MTBP: variants seen among roughly 807,000 people sequenced by gnomAD.
The protein encoded by MTBP is mdm2-binding protein.
A neutral mutation model predicts 117.0 loss-of-function variants in MTBP; 101 were observed. That is an observed-to-expected ratio of 0.86 (90% CI 0.73 to 1.02). MTBP has a LOEUF of 1.02. Among genes scored for constraint, MTBP ranks in the 50% least tolerant of loss-of-function variants. The pLI is 0.00. For synonymous variants in MTBP, 350 were observed against 351.5 expected, an observed-to-expected ratio of 1.00 and a Z score of 0.05; for missense variants, 970 against 1,030.9, an observed-to-expected ratio of 0.94 and a Z score of 0.81.
intron 15 of MTBP, among the ~76,000 whole-genome samples, chr8:120,504,556 T>G (rs553749710): frequency 3.2e-4 from 48 of 152,246 alleles, no homozygotes; most frequent in African/African-American, 1.1e-3. Context: ...AAGTATTTTA[T>G]TTTGTCTCTA....
At chr8:120,485,033 G>T (rs1324878865) in intron 11 of MTBP, among the ~76,000 whole-genome samples, 2 of 112,764 alleles carry the variant, frequency 1.8e-5, no homozygotes, top group African/African-American at 5.0e-5. Context: ...TCATCACTTA[G>T]ATATACCACA....
At chr8:120,460,601 G>T (rs139495454) in intron 8 of MTBP, among the ~76,000 whole-genome samples, 1 of 152,174 alleles carries the variant, frequency 6.6e-6, no homozygotes, top group East Asian at 1.9e-4. Context: ...AAGAAATACA[G>T]TACCGAAATT....
intron 2 of MTBP, among the ~76,000 whole-genome samples, chr8:120,449,601 A>G (rs1475465832): frequency 6.6e-6 from 1 of 152,284 alleles, no homozygotes; most frequent in East Asian, 1.9e-4. Context: ...TGAAGGCATG[A>G]GAAAGGATGG....
At chr8:120,448,020 C>T (rs575668678) in intron 2 of MTBP, among the ~76,000 whole-genome samples, 6 of 152,010 alleles carry the variant, frequency 3.9e-5, no homozygotes, top group Admixed American at 1.3e-4. Context: ...TCAACCTCCC[C>T]GGCTCAAGTG....
chr8:120,501,558 GAAA>G (rs202002423), intron 14 of MTBP, among the ~76,000 whole-genome samples: 3 of 97,430 alleles, frequency 3.1e-5, no homozygotes, highest in African/African-American at 7.6e-5. Flanking sequence ...TCTGGAAAAA[GAAA>G]AAAAAAAAAA....
In MTBP at chr8:120,489,041, C is replaced by T. The variant is rs143386927; in HGVS notation, c.1339+709C>T. Reference sequence around the variant, plus strand: ...ATATCATGGTGTTAGGGCAGACTGACTTCTTTTTTTTTTTTTGAGACAGAG... The same window carrying T: ...ATATCATGGTGTTAGGGCAGACTGATTTCTTTTTTTTTTTTTGAGACAGAG... On this transcript the variant is annotated intron_variant, in intron 12 of 21. Transcript: ENST00000305949. Among the ~76,000 whole-genome samples, 38 of 76,654 alleles carry T rather than the reference C, an allele frequency of 5.0e-4. No individual in the cohort carries two copies. In the Middle Eastern group the frequency reaches 0.035, roughly 70 times the overall value. The allele number at this position is 76,654 out of a possible 152,430, so 50.3% of individuals were successfully genotyped here.
intron 17 of MTBP, among the ~76,000 whole-genome samples, chr8:120,510,760 T>C (rs149917587): frequency 8.0e-4 from 121 of 151,942 alleles, no homozygotes; most frequent in African/African-American, 2.7e-3. Flanking sequence ...AAAAATTAGC[T>C]GGGCATAGTG....
In MTBP at chr8:120,516,245, G is replaced by A. The variant is rs1041469872; in HGVS notation, c.2246+54G>A. 6.5e-6 allele frequency: 9 copies of A among 1,385,996 alleles called. No homozygotes were observed. In the Admixed American group the frequency reaches 1.2e-4, roughly 19 times the overall value. The allele number at this position is 1,385,996 out of a possible 1,614,324, so 85.9% of individuals were successfully genotyped here. On this transcript the variant is annotated intron_variant, in intron 18 of 21. Transcript: ENST00000305949. The stretch of plus-strand genomic sequence containing the variant: ...TATTGACAGAAAGTATTTTAGTCTC[G>A]AGGATTTTTATTTTATTTTATATTA...
At chr8:120,477,541 T>G (rs898293484) in intron 11 of MTBP, among the ~76,000 whole-genome samples, 12 of 151,990 alleles carry the variant, frequency 7.9e-5, no homozygotes, top group African/African-American at 2.9e-4. Context: ...ACAAGGAACT[T>G]AAACAAATTT....
At position 120,522,373 on chromosome 8, in the gene MTBP, AG is replaced by A. The variant is rs374539971; in HGVS notation, c.2611-278del. Among the ~76,000 whole-genome samples, 308 of 150,200 alleles carry A rather than the reference AG, an allele frequency of 2.1e-3. 10 individuals carry two copies. The highest frequency in any genetic ancestry group is 7.4e-3 in the African/African-American group (296 of 39,844). ...CAGCATTAGTGGATGCTCACGGTGG[AG>A]GGTGGAAGTTATTTTAGGTCAGCTC... On this transcript the variant is annotated intron_variant, in intron 20 of 21. Coordinates refer to ENST00000305949, the MANE Select transcript of MTBP (RefSeq NM_022045.5).
rs909447125 is a variant in MTBP at position 120,446,434 on chromosome 8, C to T, written c.120C>T (p.Asp40=). The T allele has an allele frequency of 3.1e-6, 5 of 1,599,988 alleles. No individual in the cohort carries two copies. The highest frequency in any genetic ancestry group is 1.7e-4 in the Middle Eastern group (1 of 6,012). The stretch of plus-strand genomic sequence containing the variant: ...GTTAGTCTATCTTTTCTTTTTCAGA[C>T]TTCACAGCAGCAAATGTTTATCACC... The part of the protein sequence containing the change: ...SSGEGTENQP[D]FTAANVYHLL... Residue 40 remains aspartate, a splice_region_variant and synonymous_variant, in exon 2 of 22, where the codon GAC becomes GAT. Coordinates refer to ENST00000305949, the MANE Select transcript of MTBP (RefSeq NM_022045.5).
chr8:120,514,859 G>A (rs1231302089), intron 17 of MTBP, among the ~76,000 whole-genome samples: 2 of 152,008 alleles, frequency 1.3e-5, no homozygotes, highest in Non-Finnish European at 2.9e-5. Context: ...TCATTTTGCA[G>A]ATGAAGCAAC....
At chr8:120,465,448 A>C (rs1416107114) in intron 10 of MTBP, among the ~76,000 whole-genome samples, 1 of 152,168 alleles carries the variant, frequency 6.6e-6, no homozygotes, top group Non-Finnish European at 1.5e-5. Flanking sequence ...TGTATTTTAT[A>C]AACTACCAAG....
At chr8:120,476,501 A>C (rs1813942535) in intron 11 of MTBP, among the ~76,000 whole-genome samples, 2 of 152,166 alleles carry the variant, frequency 1.3e-5, no homozygotes, top group Admixed American at 1.3e-4. Context: ...GTATATTTAG[A>C]AAACTCCATC....
chr8:120,456,558 G>A lies in MTBP; in HGVS notation c.635G>A (p.Cys212Tyr), dbSNP rs759038102. ...TTGTAATCTTTTTTTTATAGAAACT[G>A]TCAGAAAATTGCAGAATACCTTTCT... ...TIAGNHCEIN[C>Y]QKIAEYLSAN... The change falls in exon 7 of 22, where the codon TGT (cysteine) becomes TAT (tyrosine). Residue 212 changes from cysteine to tyrosine, a missense_variant. Coordinates refer to ENST00000305949, the MANE Select transcript of MTBP (RefSeq NM_022045.5). The A allele has an allele frequency of 6.0e-6, 9 of 1,497,190 alleles. No homozygotes were observed. The highest frequency in any genetic ancestry group is 8.3e-6 in the Non-Finnish European group (9 of 1,086,634). The allele number at this position is 1,497,190 out of a possible 1,614,324, so 92.7% of individuals were successfully genotyped here.
chr8:120,502,392 T>TAC (rs903060100), intron 14 of MTBP, 100 bp from the exon 15 acceptor site: 15 of 712,266 alleles, frequency 2.1e-5, no homozygotes, highest in East Asian at 5.3e-5. Flanking sequence ...TAGACACACA[T>TAC]ACACACACAC....
intron 20 of MTBP, 108 bp from the exon 21 acceptor site, chr8:120,522,546 A>G (rs4285526): frequency 0.38 from 273,601 of 724,432 alleles, 57,678 homozygotes; most frequent in African/African-American, 0.78. Flanking sequence ...TAATCACATT[A>G]ATACGTGTAG....
At chr8:120,500,771 A>G (rs2130599422) in intron 14 of MTBP, among the ~76,000 whole-genome samples, 1 of 152,324 alleles carries the variant, frequency 6.6e-6, no homozygotes, top group East Asian at 1.9e-4. Flanking sequence ...AAATTCCTTT[A>G]ACAGGCCAGG....
At chr8:120,467,991 T>A (rs1292202539) in intron 10 of MTBP, among the ~76,000 whole-genome samples, 1 of 152,210 alleles carries the variant, frequency 6.6e-6, no homozygotes, top group Non-Finnish European at 1.5e-5. Context: ...TGGGACTCAG[T>A]CTGGCATACT....
Sources: gnomAD v4.1 joint callset for allele counts (sites outside exome capture counted in the v4.1 genomes callset) on GRCh38, gnomAD v4.1.1 for gene constraint, MANE v1.5 for transcripts, NCBI Gene and HGNC (gene_info 2026-07-23, HGNC 2026-07-21) for gene names.